GUCY2C: variants seen among roughly 807,000 people sequenced by gnomAD.
GUCY2C encodes the protein guanylyl cyclase C.
A neutral mutation model predicts 131.1 loss-of-function variants in GUCY2C; 118 were observed. The observed-to-expected ratio is 0.90, with a 90% CI of 0.78 to 1.05. The LOEUF (loss-of-function observed/expected upper bound fraction) is 1.05, where lower values mean the gene tolerates loss of function less well. GUCY2C is among the 50% of genes least tolerant of loss of function. The pLI, the probability that GUCY2C is intolerant of heterozygous loss-of-function variation, is 0.00. For missense variants in GUCY2C, 1,161 were observed against 1,304.4 expected (o/e 0.89, Z 1.69); for synonymous variants, 452 against 457.8 (o/e 0.99, Z 0.16).
chr12:14,664,047 C>G (rs914330149), intron 10 of GUCY2C, among the ~76,000 whole-genome samples: 4 of 152,122 alleles, frequency 2.6e-5, no homozygotes, highest in Non-Finnish European at 5.9e-5. Flanking sequence ...TGTATAAGGG[C>G]TGAATTTGAA....
rs11056092 is a variant in GUCY2C, at chr12:14,676,150, G to T, written c.948+704C>A. Among the ~76,000 whole-genome samples the T allele has an allele frequency of 9.9e-4, 151 of 152,224 alleles. 2 individuals are homozygous for T. In the East Asian group the frequency reaches 0.015, roughly 15 times the overall value. ...CATCCCAGCCTGCTCTCAATGGTTT[G>T]TCTCTGTGGGAAGAATGCATCTAAT... On this transcript the variant is annotated intron_variant, in intron 7 of 26. Transcript: ENST00000261170.
chr12:14,641,157 T>A lies in GUCY2C; in HGVS notation c.1993A>T (p.Ser665Cys). ...ANISQKGDVYSYGIIAQEIIL... is the reference protein window; with the variant it reads ...ANISQKGDVYCYGIIAQEIIL... ...ATCTCCTGTGCGATGATCCCATAGC[T>A]GTACACATCTCCTTTCTGAGAGATG... The change falls in exon 18 of 27, where the codon AGC becomes TGC. Residue 665 changes from serine (S) to cysteine (C), a missense_variant. Coordinates refer to ENST00000261170, the MANE Select transcript of GUCY2C (RefSeq NM_004963.4). 6.2e-7 allele frequency: 1 copy of A among 1,613,594 alleles called. No homozygotes were observed. The highest frequency in any genetic ancestry group is 8.5e-7 in the Non-Finnish European group (1 of 1,179,676).
Position 14,619,210 on chromosome 12 carries a change from C to A in GUCY2C, c.2875+1G>T. The stretch of plus-strand genomic sequence containing the variant: ...CTGAGAAAAACAGTCTCCCTTCTTA[C>A]GGAGGCCAGTGGATTCCATCCTAGA... On this transcript the variant is annotated splice_donor_variant, in intron 24 of 26. Transcript: ENST00000261170. LOFTEE classifies it high-confidence loss of function. The A allele has an allele frequency of 1.3e-6, 2 of 1,567,704 alleles. No homozygotes were observed. The highest frequency in any genetic ancestry group is 2.2e-5 in the South Asian group (2 of 89,840).
intron 12 of GUCY2C, among the ~76,000 whole-genome samples, chr12:14,654,543 G>A (rs1947725337): frequency 6.6e-6 from 1 of 152,236 alleles, no homozygotes; most frequent in Admixed American, 6.5e-5. Context: ...TTGGTCAGGT[G>A]ACTCATTCAT....
At chr12:14,673,306 T>C (rs967191580) in intron 8 of GUCY2C, among the ~76,000 whole-genome samples, 2 of 152,224 alleles carry the variant, frequency 1.3e-5, no homozygotes, top group African/African-American at 4.8e-5. Flanking sequence ...ATAGGGTCAC[T>C]GCACAATCTT....
At chr12:14,630,809 T>G (rs1345303660) in intron 19 of GUCY2C, among the ~76,000 whole-genome samples, 1 of 152,194 alleles carries the variant, frequency 6.6e-6, no homozygotes, top group Non-Finnish European at 1.5e-5. Flanking sequence ...ACATGAAATT[T>G]TATTCCTCAT....
chr12:14,624,452 AAATT>A (rs1364925133), intron 21 of GUCY2C, among the ~76,000 whole-genome samples: 2 of 151,916 alleles, frequency 1.3e-5, no homozygotes, highest in Non-Finnish European at 2.9e-5. Flanking sequence ...AAAAATAAAT[AAATT>A]AATTAATTAA....
At chr12:14,677,691 C>T (rs1038163938) in intron 6 of GUCY2C, among the ~76,000 whole-genome samples, 3 of 151,842 alleles carry the variant, frequency 2.0e-5, no homozygotes, top group Non-Finnish European at 2.9e-5. Context: ...CTGCCTCAGC[C>T]TCCTGAGTAG....
intron 7 of GUCY2C, among the ~76,000 whole-genome samples, chr12:14,675,342 T>C (rs568973273): frequency 6.6e-6 from 1 of 151,072 alleles, no homozygotes; most frequent in Admixed American, 6.6e-5. Context: ...GAAGCAACTA[T>C]AAGCAGTTAT....
chr12:14,619,120 T>C, intron 24 of GUCY2C, 91 bp downstream of exon 24: 1 of 710,192 alleles, frequency 1.4e-6, no homozygotes, highest in Admixed American at 2.2e-5. Flanking sequence ...ACTGGCACTT[T>C]GTATCTCCTT....
intron 23 of GUCY2C, among the ~76,000 whole-genome samples, chr12:14,619,924 A>C (rs1946858053): frequency 6.6e-6 from 1 of 152,244 alleles, no homozygotes; most frequent in Non-Finnish European, 1.5e-5. Flanking sequence ...TAGGTAGGAA[A>C]TAAGGGTTAT....
intron 6 of GUCY2C, among the ~76,000 whole-genome samples, chr12:14,679,047 T>C (rs1948293627): frequency 6.6e-6 from 1 of 152,170 alleles, no homozygotes; most frequent in African/African-American, 2.4e-5. Context: ...AAGTGAAACT[T>C]CAAGCTTATC....
chr12:14,672,727 G>A, intron 9 of GUCY2C, 146 bp downstream of exon 9: 1 of 611,538 alleles, frequency 1.6e-6, no homozygotes, highest in South Asian at 2.0e-5. Context: ...ACTACCCTAA[G>A]TGGGGCGTAA....
intron 21 of GUCY2C, among the ~76,000 whole-genome samples, chr12:14,623,272 G>A (rs1946931046): frequency 6.6e-6 from 1 of 152,202 alleles, no homozygotes; most frequent in African/African-American, 2.4e-5. Context: ...AGATGGGGAA[G>A]ATTTGGAGGT....
chr12:14,681,270 T>C (rs1347248144), intron 5 of GUCY2C, 86 bp downstream of exon 5: 1 of 1,168,996 alleles, frequency 8.6e-7, no homozygotes, highest in Non-Finnish European at 1.3e-6. Flanking sequence ...AGCTCTGCAG[T>C]GGAGGATTTG....
At chr12:14,692,304 G>A (rs538162998) in intron 1 of GUCY2C, among the ~76,000 whole-genome samples, 1 of 152,206 alleles carries the variant, frequency 6.6e-6, no homozygotes, top group East Asian at 1.9e-4. Flanking sequence ...CATTAAGCTT[G>A]ACATTAAAGA....
intron 1 of GUCY2C, among the ~76,000 whole-genome samples, chr12:14,692,676 C>T (rs949376570): frequency 6.6e-5 from 10 of 152,072 alleles, no homozygotes; most frequent in Admixed American, 1.3e-4. Flanking sequence ...GAAGAAACCC[C>T]GTCTCTACTA....
intron 10 of GUCY2C, among the ~76,000 whole-genome samples, chr12:14,661,407 T>C (rs1416179997): frequency 1.3e-5 from 2 of 152,104 alleles, no homozygotes; most frequent in Middle Eastern, 6.4e-3. Context: ...GAAACCAATA[T>C]ACCTAAGAAG....
chr12:14,645,753 T>C (rs1341811252), intron 15 of GUCY2C, among the ~76,000 whole-genome samples: 2 of 152,184 alleles, frequency 1.3e-5, no homozygotes, highest in Admixed American at 6.5e-5. Flanking sequence ...CTTTTTTTTT[T>C]GAGTTTACTA....
Sources: allele counts gnomAD v4.1 joint callset (sites outside exome capture counted in the v4.1 genomes callset), GRCh38; gene constraint gnomAD v4.1.1; transcripts MANE v1.5; gene names NCBI Gene and HGNC (gene_info 2026-07-23, HGNC 2026-07-21).